Variants in SVIL observed in about 807,000 individuals in gnomAD.
SVIL encodes the protein supervillin, also known as archvillin.
A neutral mutation model predicts 240.4 loss-of-function variants in SVIL; 101 were observed. That is an observed-to-expected ratio of 0.42 (90% CI 0.36 to 0.50). The LOEUF is 0.50. SVIL is among the 20% of genes least tolerant of loss of function. The pLI, the probability that SVIL is intolerant of heterozygous loss-of-function variation, is 0.01. For missense variants in SVIL, 2,512 were observed against 2,818.7 expected, an observed-to-expected ratio of 0.89 and a Z score of 2.46; for synonymous variants, 999 against 1,100.0, an observed-to-expected ratio of 0.91 and a Z score of 1.82.
chr10:29,654,354 T>C (rs1357455244), intron 3 of SVIL, among the ~76,000 whole-genome samples: 1 of 152,158 alleles, frequency 6.6e-6, no homozygotes, highest in Non-Finnish European at 1.5e-5. Context: ...TACAAGTATA[T>C]ATAACAAAAT....
At chr10:29,609,484 A>T (rs1268215405) in intron 1 of SVIL, among the ~76,000 whole-genome samples, 1 of 152,196 alleles carries the variant, frequency 6.6e-6, no homozygotes, top group Non-Finnish European at 1.5e-5. Context: ...GGGCTGAAAC[A>T]TGTCCCCCCA....
At chr10:29,638,943 C>T (rs963374808), upstream of SVIL, among the ~76,000 whole-genome samples, 1 of 152,094 alleles carries the variant, frequency 6.6e-6, no homozygotes, top group African/African-American at 2.4e-5. Context: ...GGGAGGAGAT[C>T]GGGTCATCTC....
chr10:29,634,229 G>T (rs1958222322), intron 1 of SVIL, among the ~76,000 whole-genome samples, 191 bp downstream of exon 1: 1 of 147,236 alleles, frequency 6.8e-6, no homozygotes, highest in South Asian at 2.2e-4. Context: ...CTCAACCCAA[G>T]AAATATGCCC....
At chr10:29,651,832 A>G (rs1958847427) in intron 3 of SVIL, among the ~76,000 whole-genome samples, 2 of 152,104 alleles carry the variant, frequency 1.3e-5, no homozygotes, top group Non-Finnish European at 1.5e-5. Context: ...CCCTCTCCAT[A>G]AAACAAAAAC....
At chr10:29,478,727 C>T (rs1225596465) in intron 29 of SVIL, among the ~76,000 whole-genome samples, 2 of 151,562 alleles carry the variant, frequency 1.3e-5, no homozygotes, top group Non-Finnish European at 2.9e-5. Flanking sequence ...TTGAGACCAG[C>T]CTGGGCAACA....
intron 1 of SVIL, among the ~76,000 whole-genome samples, chr10:29,700,338 A>G (rs1962410304): frequency 6.6e-6 from 1 of 152,248 alleles, no homozygotes; most frequent in Admixed American, 6.5e-5. Context: ...CCTCTCACCA[A>G]GAAGATACAT....
intron 17 of SVIL, among the ~76,000 whole-genome samples, chr10:29,502,688 G>GT (rs1564528620): frequency 7.2e-4 from 109 of 151,662 alleles, no homozygotes; most frequent in African/African-American, 2.5e-3. Context: ...TGTGTGTGTG[G>GT]GTGGGTGGGT....
intron 1 of SVIL, among the ~76,000 whole-genome samples, chr10:29,724,784 G>A (rs1964194983): frequency 6.6e-6 from 1 of 152,128 alleles, no homozygotes; most frequent in African/African-American, 2.4e-5. Context: ...CACTTTGGGA[G>A]GCTGAGGTGG....
Position 29,604,363 on chromosome 10 carries a change from CTTT to C in SVIL, c.-201+30054_-201+30056del, listed in dbSNP as rs71525560. Among the ~76,000 whole-genome samples, 19 of 38,418 alleles carry C rather than the reference CTTT, an allele frequency of 4.9e-4. No homozygotes were observed. The South Asian group carries it at 6.9e-3, about 14-fold the overall frequency. The allele number at this position is 38,418 out of a possible 152,430, so 25.2% of individuals were successfully genotyped here. A position where few individuals can be genotyped will look rare whatever the true frequency, so the allele number is the denominator to read the frequency against. ...TACAGGCATGTGCCACCATGTCTGGCTTTTTTTTTTTTTTTTTTTTTTTTTTTT... is the reference window on the plus strand; with the variant it reads ...TACAGGCATGTGCCACCATGTCTGGCTTTTTTTTTTTTTTTTTTTTTTTTT... On this transcript the variant is annotated intron_variant, in intron 1 of 37. Coordinates refer to ENST00000355867, the MANE Select transcript of SVIL (RefSeq NM_021738.3).
chr10:29,646,242 T>A (rs949184809), intron 3 of SVIL, among the ~76,000 whole-genome samples: 1 of 152,224 alleles, frequency 6.6e-6, no homozygotes, highest in Non-Finnish European at 1.5e-5. Flanking sequence ...TGATCGTAAT[T>A]TCTGCTGGCT....
intron 2 of SVIL, among the ~76,000 whole-genome samples, chr10:29,677,567 C>A (rs955284041): frequency 2.6e-5 from 4 of 152,118 alleles, no homozygotes; most frequent in Non-Finnish European, 5.9e-5. Flanking sequence ...GGGACTATAG[C>A]TGTGCAGCAC....
chr10:29,476,069 G>A (rs1946163693), intron 29 of SVIL, among the ~76,000 whole-genome samples: 1 of 152,170 alleles, frequency 6.6e-6, no homozygotes, highest in African/African-American at 2.4e-5. Context: ...AAGTTTGGGT[G>A]TTTTTGAGAG....
intron 3 of SVIL, among the ~76,000 whole-genome samples, chr10:29,560,941 C>T (rs140960009): frequency 0.05 from 7,473 of 150,624 alleles, 249 homozygotes; most frequent in Non-Finnish European, 0.074. Flanking sequence ...CGGGTTCAAG[C>T]GATTCTCCTG....
chr10:29,550,922 G>T lies in SVIL; in HGVS notation c.502C>A (p.Pro168Thr). Reference sequence around the variant, plus strand: ...CTGAGCCCCATCGTCTCGGTCCCGGGGTACAGAGAACTAGCATCTCTGCTT... The same window carrying T: ...CTGAGCCCCATCGTCTCGGTCCCGGTGTACAGAGAACTAGCATCTCTGCTT... The part of the protein sequence containing the change: ...ESSRDASSLY[P>T]GTETMGLRTC... The change falls in exon 6 of 38, where the codon CCC becomes ACC. Residue 168 changes from proline (P) to threonine (T), a missense_variant. Physicochemically the swap from Pro to Thr is conservative, Grantham distance 38. This residue lies in a region of SVIL where 1,443 missense variants were observed against 1,486.6 expected (regional missense o/e 0.97). Coordinates refer to ENST00000355867, the MANE Select transcript of SVIL (RefSeq NM_021738.3). 6.2e-7 allele frequency: 1 copy of T among 1,614,030 alleles called. No homozygotes were observed. Among genetic ancestry groups the T allele is most frequent in the Non-Finnish European group, 8.5e-7 (1 of 1,180,008 alleles).
intron 6 of SVIL, among the ~76,000 whole-genome samples, chr10:29,538,010 G>A (rs114790446): frequency 3.3e-5 from 5 of 152,178 alleles, no homozygotes; most frequent in Admixed American, 6.5e-5. Flanking sequence ...TTGGCGCATC[G>A]CCTGCAGCCA....
At chr10:29,637,849 A>G (rs1458782268), upstream of SVIL, among the ~76,000 whole-genome samples, 1 of 152,250 alleles carries the variant, frequency 6.6e-6, no homozygotes, top group East Asian at 1.9e-4. Context: ...GCTGAGTGAC[A>G]GAAAGCCAAT....
intron 1 of SVIL, among the ~76,000 whole-genome samples, chr10:29,607,101 G>A (rs1334478046): frequency 6.6e-6 from 1 of 152,136 alleles, no homozygotes; most frequent in East Asian, 1.9e-4. Flanking sequence ...AATTTATCCT[G>A]GTGTGGGGCA....
chr10:29,493,083 A>T (rs1948118574), intron 21 of SVIL, 131 bp downstream of exon 21: 1 of 1,146,722 alleles, frequency 8.7e-7, no homozygotes, highest in Non-Finnish European at 1.2e-6. Flanking sequence ...TGGCTCTAGA[A>T]TACTAACGCC....
intron 1 of SVIL, among the ~76,000 whole-genome samples, chr10:29,633,232 A>G (rs1438509355): frequency 6.2e-4 from 65 of 105,134 alleles, no homozygotes; most frequent in Non-Finnish European, 1.1e-3. Context: ...ACGAGACTCC[A>G]TCTCAAAAAA....
Sources: gnomAD v4.1 joint callset for allele counts (sites outside exome capture counted in the v4.1 genomes callset) on GRCh38, gnomAD v4.1.1 for gene constraint, gnomAD v4.1.1 regional missense constraint, MANE v1.5 for transcripts, NCBI Gene and HGNC (gene_info 2026-07-23, HGNC 2026-07-21) for gene names.